Variants in IL1RAPL1 observed in about 807,000 individuals in gnomAD.
IL1RAPL1 encodes the protein interleukin-1 receptor accessory protein-like 1.
IL1RAPL1 carries 3 observed loss-of-function variants against 48.4 expected under a neutral mutation model. The observed-to-expected ratio is 0.06, with a 90% CI of 0.03 to 0.16. IL1RAPL1 has a LOEUF of 0.16. Ranked by LOEUF, IL1RAPL1 falls within the 10% of genes least tolerant of loss-of-function variation. IL1RAPL1 has a pLI of 1.00. For missense variants in IL1RAPL1, 349 were observed against 530.6 expected (o/e 0.66, Z 3.36); for synonymous variants, 185 against 187.7 (o/e 0.99, Z 0.12).
At chrX:29,882,804 T>C (rs73456461) in intron 6 of IL1RAPL1, among the ~76,000 whole-genome samples, 1,507 of 111,932 alleles carry the variant, frequency 0.013, 18 homozygotes, top group African/African-American at 0.045. Flanking sequence ...TTTCAACGTA[T>C]GCCATTATTC....
At chrX:29,105,369 G>A (rs1164313467) in intron 2 of IL1RAPL1, among the ~76,000 whole-genome samples, 2 of 111,825 alleles carry the variant, frequency 1.8e-5, no homozygotes, top group Non-Finnish European at 3.8e-5. Context: ...TTAGAAGTAA[G>A]GAATGAAACT....
At chrX:29,896,666 CTG>C (rs1932389387) in intron 6 of IL1RAPL1, among the ~76,000 whole-genome samples, 1 of 112,027 alleles carries the variant, frequency 8.9e-6, no homozygotes, top group African/African-American at 3.3e-5. Flanking sequence ...AGACTGAAAC[CTG>C]TGTTTTTTGT....
chrX:29,130,908 G>A (rs1404486689), intron 2 of IL1RAPL1, among the ~76,000 whole-genome samples: 1 of 112,237 alleles, frequency 8.9e-6, no homozygotes, highest in African/African-American at 3.2e-5. Flanking sequence ...TTCATAATAC[G>A]GATTTTTTAG....
intron 1 of IL1RAPL1, among the ~76,000 whole-genome samples, chrX:28,766,696 C>G (rs1378644259): frequency 9.0e-6 from 1 of 110,541 alleles, no homozygotes; most frequent in African/African-American, 3.3e-5. Context: ...CCCCCATTAC[C>G]CTTCCCAGCC....
intron 3 of IL1RAPL1, among the ~76,000 whole-genome samples, chrX:29,319,566 C>G (rs767089838): frequency 7.6e-5 from 8 of 105,952 alleles, no homozygotes; most frequent in African/African-American, 2.7e-4. Context: ...ATGTATCTAT[C>G]TATCTATCTA....
At chrX:28,814,979 C>T (rs1454652584) in intron 2 of IL1RAPL1, among the ~76,000 whole-genome samples, 1 of 110,114 alleles carries the variant, frequency 9.1e-6, no homozygotes, top group East Asian at 2.9e-4. Context: ...TCAAATTTTT[C>T]TTGTATTACC....
chrX:28,628,219 G>A (rs984933168), intron 1 of IL1RAPL1, among the ~76,000 whole-genome samples: 3 of 111,883 alleles, frequency 2.7e-5, no homozygotes, highest in African/African-American at 9.7e-5. Flanking sequence ...CTCTTAAAGG[G>A]TAGGCTCAGG....
intron 5 of IL1RAPL1, among the ~76,000 whole-genome samples, chrX:29,638,583 C>T (rs1400223299): frequency 9.0e-6 from 1 of 111,482 alleles, no homozygotes; most frequent in East Asian, 2.8e-4. Context: ...TATTCCTTGA[C>T]AGTTATCAGA....
At chrX:28,925,893 C>T (rs778374484) in intron 2 of IL1RAPL1, among the ~76,000 whole-genome samples, 4 of 111,762 alleles carry the variant, frequency 3.6e-5, no homozygotes, top group Admixed American at 1.9e-4. Context: ...TGCACTCCAG[C>T]CTGGCGACAG....
At chrX:29,322,348 C>G (rs909767389) in intron 3 of IL1RAPL1, among the ~76,000 whole-genome samples, 7 of 109,858 alleles carry the variant, frequency 6.4e-5, no homozygotes, top group African/African-American at 2.3e-4. Context: ...CCCACTGCAA[C>G]CTCTGCCTCC....
chrX:29,473,514 A>G (rs1269339549), intron 5 of IL1RAPL1, among the ~76,000 whole-genome samples: 1 of 110,466 alleles, frequency 9.1e-6, no homozygotes, highest in African/African-American at 3.3e-5. Flanking sequence ...ATGGGCCACA[A>G]TCTTCCAGCC....
At chrX:28,994,411 A>G (rs1338372925) in intron 2 of IL1RAPL1, among the ~76,000 whole-genome samples, 1 of 111,398 alleles carries the variant, frequency 9.0e-6, no homozygotes, top group Non-Finnish European at 1.9e-5. Context: ...CCATTTATCG[A>G]AATGGAGAAG....
intron 1 of IL1RAPL1, among the ~76,000 whole-genome samples, chrX:28,630,719 G>T (rs984255931): frequency 8.9e-6 from 1 of 112,404 alleles, no homozygotes; most frequent in Non-Finnish European, 1.9e-5. Context: ...GAGAGTGAAT[G>T]ATTTCAGATG....
intron 3 of IL1RAPL1, among the ~76,000 whole-genome samples, chrX:29,359,521 A>G (rs1001266469): frequency 1.8e-5 from 2 of 111,867 alleles, no homozygotes; most frequent in African/African-American, 6.5e-5. Context: ...GCTCTGTACA[A>G]TTACAGACAT....
intron 2 of IL1RAPL1, among the ~76,000 whole-genome samples, chrX:28,992,013 G>A (rs1925615870): frequency 9.0e-6 from 1 of 111,730 alleles, no homozygotes; most frequent in Admixed American, 9.5e-5. Flanking sequence ...ATTGGCTTCA[G>A]TTTTTACTGA....
Position 29,494,332 on chromosome X carries a change from A to T in IL1RAPL1, c.703+95024A>T, listed in dbSNP as rs763168934. ...CTTTTTTATGGATGTATAATATTCC[A>T]TGATGTATGTGTACCACATTTTCTT... On this transcript the variant is annotated intron_variant, in intron 5 of 10. Coordinates refer to ENST00000378993, the MANE Select transcript of IL1RAPL1 (RefSeq NM_014271.4). 8.0e-5 allele frequency among the ~76,000 whole-genome samples: 9 copies of T among 112,357 alleles called. No individual in the cohort carries two copies. In the South Asian group the frequency reaches 3.3e-3, roughly 42 times the overall value.
rs1271557997 is a variant in IL1RAPL1, at chrX:28,706,777, T to C, written c.-24-82543T>C. Among the ~76,000 whole-genome samples the C allele has an allele frequency of 2.7e-5, 3 of 111,681 alleles. No homozygotes were observed. In the East Asian group the frequency reaches 8.4e-4, roughly 31 times the overall value. On this transcript the variant is annotated intron_variant, in intron 1 of 10. Transcript: ENST00000378993. Reference sequence around the variant, plus strand: ...GCAACATGTGCCATTAAGTGACACATGACTGTACTTTGATAATAGCCACCC... The same window carrying C: ...GCAACATGTGCCATTAAGTGACACACGACTGTACTTTGATAATAGCCACCC...
intron 2 of IL1RAPL1, among the ~76,000 whole-genome samples, chrX:29,098,561 C>A (rs1928264990): frequency 8.9e-6 from 1 of 111,749 alleles, no homozygotes; most frequent in African/African-American, 3.3e-5. Flanking sequence ...CTTGGACCAG[C>A]AGCTGCAACA....
At chrX:29,860,710 T>C (rs1246893149) in intron 6 of IL1RAPL1, among the ~76,000 whole-genome samples, 2 of 112,206 alleles carry the variant, frequency 1.8e-5, no homozygotes, top group African/African-American at 3.2e-5. Flanking sequence ...TATGGCTGCA[T>C]AGTATTCCCT....
Sources: allele counts gnomAD v4.1 joint callset (sites outside exome capture counted in the v4.1 genomes callset), GRCh38; gene constraint gnomAD v4.1.1; transcripts MANE v1.5; gene names NCBI Gene and HGNC (gene_info 2026-07-23, HGNC 2026-07-21).